ADGRL3: variants seen among roughly 807,000 people sequenced by gnomAD.
The protein encoded by ADGRL3 is calcium-independent alpha-latrotoxin receptor 3.
ADGRL3 carries 62 observed loss-of-function variants against 153.5 expected under a neutral mutation model. The observed-to-expected ratio is 0.40, with a 90% CI of 0.33 to 0.50. The LOEUF (loss-of-function observed/expected upper bound fraction) is 0.50. Among genes scored for constraint, ADGRL3 ranks in the 20% least tolerant of loss-of-function variants. The pLI is 0.47. For missense variants in ADGRL3, 1,641 were observed against 1,859.4 expected (o/e 0.88, Z 2.16); for synonymous variants, 710 against 672.5 (o/e 1.06, Z -0.86).
At chr4:61,931,123 T>C (rs971445409) in intron 13 of ADGRL3, among the ~76,000 whole-genome samples, 6 of 152,180 alleles carry the variant, frequency 3.9e-5, no homozygotes, top group East Asian at 3.9e-4. Flanking sequence ...GCTGTCTCAC[T>C]AGCAGAAAAG....
chr4:61,744,041 C>A (rs186805951), intron 8 of ADGRL3, among the ~76,000 whole-genome samples: 1 of 152,148 alleles, frequency 6.6e-6, no homozygotes, highest in Non-Finnish European at 1.5e-5. Flanking sequence ...GCTTAAAAAA[C>A]GGCACACCAG....
chr4:61,343,454 A>C (rs539101173), intron 1 of ADGRL3, among the ~76,000 whole-genome samples: 1 of 152,150 alleles, frequency 6.6e-6, no homozygotes, highest in East Asian at 1.9e-4. Context: ...GCCTGGCAAG[A>C]TGCCTTACCC....
chr4:62,050,423 A>G (rs1158393714), intron 25 of ADGRL3, among the ~76,000 whole-genome samples: 1 of 152,080 alleles, frequency 6.6e-6, no homozygotes, highest in Non-Finnish European at 1.5e-5. Context: ...ATAACCAGTT[A>G]TGTAGTGGAG....
At chr4:62,056,161 G>T (rs1736889128) in intron 25 of ADGRL3, among the ~76,000 whole-genome samples, 2 of 151,618 alleles carry the variant, frequency 1.3e-5, no homozygotes, top group African/African-American at 4.8e-5. Flanking sequence ...GATTCTTTAT[G>T]TATTAAATAA....
At chr4:62,030,365 A>G (rs1255746836) in intron 22 of ADGRL3, among the ~76,000 whole-genome samples, 1 of 151,594 alleles carries the variant, frequency 6.6e-6, no homozygotes, top group Non-Finnish European at 1.5e-5. Context: ...TACCCTATTC[A>G]AGGAAGATGT....
At chr4:61,353,254 T>A (rs1469338254) in intron 1 of ADGRL3, among the ~76,000 whole-genome samples, 1 of 152,206 alleles carries the variant, frequency 6.6e-6, no homozygotes, top group Non-Finnish European at 1.5e-5. Flanking sequence ...TACTCGCATA[T>A]ATATGCTATA....
At chr4:61,581,234 C>T (rs760871164) in intron 4 of ADGRL3, among the ~76,000 whole-genome samples, 74 of 151,958 alleles carry the variant, frequency 4.9e-4, no homozygotes, top group Admixed American at 1.6e-3. Context: ...ATGGGAGTCA[C>T]CTTACATGAT....
intron 8 of ADGRL3, among the ~76,000 whole-genome samples, chr4:61,791,042 A>G (rs2097335495): frequency 6.6e-6 from 1 of 152,178 alleles, no homozygotes. Flanking sequence ...GGGTGGGGAC[A>G]CAGGCAAACC....
chr4:61,602,468 A>T lies in ADGRL3; in HGVS notation c.473+15028A>T, dbSNP rs190666304. Among the ~76,000 whole-genome samples the T allele has an allele frequency of 5.6e-3, 849 of 152,268 alleles. 30 individuals are homozygous for T. Among genetic ancestry groups the T allele is most frequent in the Admixed American group, 0.053 (807 of 15,278 alleles). On this transcript the variant is annotated intron_variant, in intron 5 of 26. Transcript: ENST00000683033. The stretch of plus-strand genomic sequence containing the variant: ...GATGTTAGGGATTTGTAATGTGAAG[A>T]GGCCAAACATGCTGCAAAATATCCT...
At chr4:61,238,445 GT>G (rs1753679274) in intron 1 of ADGRL3, among the ~76,000 whole-genome samples, 3 of 75,406 alleles carry the variant, frequency 4.0e-5, no homozygotes, top group Non-Finnish European at 9.9e-5. Context: ...AATGTGTGGT[GT>G]GTGTGTGTGT....
intron 1 of ADGRL3, among the ~76,000 whole-genome samples, chr4:61,341,169 G>C (rs896661564): frequency 6.6e-6 from 1 of 151,506 alleles, no homozygotes; most frequent in African/African-American, 2.4e-5. Context: ...GTGGGGTTTT[G>C]GTTCTTGTTT....
At chr4:61,982,381 T>A (rs1338601813) in intron 18 of ADGRL3, among the ~76,000 whole-genome samples, 1 of 152,202 alleles carries the variant, frequency 6.6e-6, no homozygotes, top group Non-Finnish European at 1.5e-5. Flanking sequence ...TTCTAGCTCC[T>A]CAGATGTAAG....
intron 1 of ADGRL3, among the ~76,000 whole-genome samples, chr4:61,216,198 T>C (rs866969923): frequency 6.6e-6 from 1 of 152,154 alleles, no homozygotes; most frequent in Non-Finnish European, 1.5e-5. Flanking sequence ...GATTAGACTA[T>C]CTTTTTGTGA....
At chr4:61,821,529 A>G (rs2097756483) in intron 9 of ADGRL3, among the ~76,000 whole-genome samples, 1 of 151,960 alleles carries the variant, frequency 6.6e-6, no homozygotes, top group Non-Finnish European at 1.5e-5. Context: ...TGCCTAGCTA[A>G]TTACTACTTT....
intron 19 of ADGRL3, among the ~76,000 whole-genome samples, chr4:61,987,363 T>TGGGGTTTCTC (rs1195646836): frequency 2.0e-5 from 3 of 151,804 alleles, no homozygotes; most frequent in Non-Finnish European, 4.4e-5. Flanking sequence ...TTAGTAGAGA[T>TGGGGTTTCTC]GGGGTTTCTC....
chr4:61,824,036 T>G (rs368609449), intron 9 of ADGRL3, among the ~76,000 whole-genome samples: 1 of 150,556 alleles, frequency 6.6e-6, no homozygotes, highest in East Asian at 2.0e-4. Context: ...CACTCCAGTC[T>G]GGGCGACAGA....
At chr4:62,006,311 C>T (rs997124281) in intron 21 of ADGRL3, among the ~76,000 whole-genome samples, 4 of 151,860 alleles carry the variant, frequency 2.6e-5, no homozygotes, top group South Asian at 2.1e-4. Flanking sequence ...GCCTGAGCCG[C>T]GGAGCCCAGC....
At chr4:61,681,791 A>G (rs891434853) in intron 6 of ADGRL3, among the ~76,000 whole-genome samples, 15 of 152,114 alleles carry the variant, frequency 9.9e-5, no homozygotes, top group African/African-American at 3.4e-4. Flanking sequence ...ATGTGTACAC[A>G]TTTGGTTACT....
At chr4:61,893,614 G>T (rs2098605190) in intron 10 of ADGRL3, among the ~76,000 whole-genome samples, 1 of 151,886 alleles carries the variant, frequency 6.6e-6, no homozygotes, top group South Asian at 2.1e-4. Flanking sequence ...GGACCATGCT[G>T]CAGGAGTCAA....
Sources: allele counts gnomAD v4.1 joint callset (sites outside exome capture counted in the v4.1 genomes callset), GRCh38; gene constraint gnomAD v4.1.1; transcripts MANE v1.5; gene names NCBI Gene and HGNC (gene_info 2026-07-23, HGNC 2026-07-21).